Variants in FAM167A observed in about 807,000 individuals in gnomAD.
FAM167A encodes family with sequence similarity 167 member A.
A neutral mutation model predicts 14.9 loss-of-function variants in FAM167A; 23 were observed. That is an observed-to-expected ratio of 1.55 (90% CI 1.11 to 2.19). The LOEUF is 2.19. Ranked by LOEUF, FAM167A falls within the 30% of genes most tolerant of loss-of-function variation. The probability of loss-of-function intolerance (pLI) is 0.00; values close to 1 mark genes in which losing one functional copy is unlikely to be tolerated. For synonymous variants in FAM167A, 174 were observed against 117.7 expected (o/e 1.48, Z -3.10); for missense variants, 401 against 281.5 (o/e 1.42, Z -3.04).
At chr8:11,473,829 G>A (rs563990749) in intron 1 of FAM167A, among the ~76,000 whole-genome samples, 3 of 152,178 alleles carry the variant, frequency 2.0e-5, no homozygotes, top group African/African-American at 4.8e-5. Context: ...AGCACACAGG[G>A]AATGGTGGTT....
In FAM167A at chr8:11,444,085, C is replaced by T. The variant is rs1806618055; in HGVS notation, c.327G>A (p.Lys109=). ...SQGARPLSTG[K]LEGFQSIDEA... is the part of the protein sequence containing the mutation. ...CATCGATGCTCTGAAAGCCTTCCAG[C>T]TTGCCAGTGGACAGGGGTCTGGCAC... is the stretch of plus-strand genomic sequence containing the variant. The change falls in exon 2 of 3, where the codon AAG becomes AAA. Residue 109 remains lysine (K), a synonymous_variant. Coordinates refer to ENST00000284486, the MANE Select transcript of FAM167A (RefSeq NM_053279.3). 2 of 1,613,462 alleles carry T rather than the reference C, an allele frequency of 1.2e-6. No individual in the cohort carries two copies. The highest frequency in any genetic ancestry group is 2.7e-5 in the African/African-American group (2 of 74,940).
chr8:11,444,795 G>C lies in FAM167A; in HGVS notation c.-384C>G. On this transcript the variant is annotated 5_prime_UTR_variant, in exon 2 of 3. Transcript: ENST00000284486. ...GAGCTCTCTCTTCTCGGGAAGGGCAGGTGGCTGGAGACCCTGTGGGAGGGA... is the reference window on the plus strand; with the variant it reads ...GAGCTCTCTCTTCTCGGGAAGGGCACGTGGCTGGAGACCCTGTGGGAGGGA... The C allele has an allele frequency of 9.9e-7, 1 of 1,008,118 alleles. No homozygotes were observed. The highest frequency in any genetic ancestry group is 1.2e-6 in the Non-Finnish European group (1 of 844,502). The allele number at this position is 1,008,118 out of a possible 1,614,324, so 62.4% of individuals were successfully genotyped here. A position where few individuals can be genotyped will look rare whatever the true frequency, so the allele number is the denominator to read the frequency against.
chr8:11,435,193 C>G, intron 2 of FAM167A: 1 of 451,832 alleles, frequency 2.2e-6, no homozygotes, highest in South Asian at 1.6e-5. Context: ...CACTGAGGTT[C>G]TGTCCCCTCC....
chr8:11,472,709 G>A (rs1807998493), intron 1 of FAM167A, among the ~76,000 whole-genome samples: 1 of 152,164 alleles, frequency 6.6e-6, no homozygotes, highest in African/African-American at 2.4e-5. Flanking sequence ...CTGAGTAGGA[G>A]CCAGGAGATC....
intron 1 of FAM167A, among the ~76,000 whole-genome samples, chr8:11,445,737 G>T (rs1806747348): frequency 6.6e-6 from 1 of 152,130 alleles, no homozygotes; most frequent in African/African-American, 2.4e-5. Flanking sequence ...GGTCCATGGG[G>T]TGGGCAGTGG....
chr8:11,461,999 C>T (rs1339158655), intron 1 of FAM167A, among the ~76,000 whole-genome samples: 1 of 152,218 alleles, frequency 6.6e-6, no homozygotes, highest in East Asian at 1.9e-4. Context: ...CTCAGCCTGG[C>T]TTGGACTGCC....
chr8:11,462,473 G>C (rs777139645), intron 1 of FAM167A, among the ~76,000 whole-genome samples: 1 of 152,194 alleles, frequency 6.6e-6, no homozygotes, highest in Non-Finnish European at 1.5e-5. Context: ...GACTGTGCTT[G>C]GCTGTCACTC....
chr8:11,425,401 G>A (rs939726948), intron 2 of FAM167A, among the ~76,000 whole-genome samples: 5 of 152,204 alleles, frequency 3.3e-5, no homozygotes, highest in African/African-American at 1.2e-4. Flanking sequence ...CTGGACTCCA[G>A]AACCAAAATG....
At chr8:11,461,430 C>G (rs994730817) in intron 1 of FAM167A, among the ~76,000 whole-genome samples, 1 of 152,278 alleles carries the variant, frequency 6.6e-6, no homozygotes, top group Non-Finnish European at 1.5e-5. Flanking sequence ...CAGGGCTTTT[C>G]TGGCCAAAGG....
chr8:11,426,731 C>G (rs1320653048), intron 2 of FAM167A, among the ~76,000 whole-genome samples: 2 of 152,088 alleles, frequency 1.3e-5, no homozygotes, highest in African/African-American at 4.8e-5. Flanking sequence ...TCTTTTGGGT[C>G]TTTGATCAGC....
rs114806529 is a variant in FAM167A, at chr8:11,448,857, C to T, written c.-397-4049G>A. Among the ~76,000 whole-genome samples the T allele has an allele frequency of 9.5e-4, 144 of 152,326 alleles. 2 individuals carry two copies. Among genetic ancestry groups the T allele is most frequent in the Admixed American group, 7.6e-3 (117 of 15,312 alleles). On this transcript the variant is annotated intron_variant, in intron 1 of 2. Coordinates refer to ENST00000284486, the MANE Select transcript of FAM167A (RefSeq NM_053279.3). ...CCAGCACTGCTGACAAGCCGAGCAC[C>T]CAGGCTCAGTCCTTTCCTCGTGGCC...
chr8:11,469,901 TAAATAAATA>T (rs992155201), upstream of FAM167A, among the ~76,000 whole-genome samples: 2 of 143,630 alleles, frequency 1.4e-5, no homozygotes, highest in Admixed American at 6.8e-5. Context: ...AATAAATAAA[TAAATAAATA>T]AATAAATAAA....
intron 2 of FAM167A, among the ~76,000 whole-genome samples, chr8:11,434,551 G>A (rs1409136108): frequency 1.3e-5 from 2 of 152,176 alleles, no homozygotes; most frequent in Admixed American, 1.3e-4. Context: ...GGCTCTTCGG[G>A]CCCTGCCGAG....
At chr8:11,461,891 G>C (rs939081839) in intron 1 of FAM167A, among the ~76,000 whole-genome samples, 5 of 152,210 alleles carry the variant, frequency 3.3e-5, no homozygotes, top group African/African-American at 1.2e-4. Flanking sequence ...ATGCCAACTG[G>C]GCACCTCCAC....
chr8:11,464,984 G>A (rs889880897), intron 1 of FAM167A, among the ~76,000 whole-genome samples: 7 of 152,298 alleles, frequency 4.6e-5, no homozygotes, highest in Admixed American at 2.0e-4. Context: ...ATGTAATTGC[G>A]AGGACCAGAA....
chr8:11,449,855 G>T lies in FAM167A; in HGVS notation c.-397-5047C>A, dbSNP rs572683434. The stretch of plus-strand genomic sequence containing the variant: ...CTCCTCTGGCTGCTGGAGGAGCCAG[G>T]TGGGGGCAGCTCAGCCAACACCTTG... On this transcript the variant is annotated intron_variant, in intron 1 of 2. Coordinates refer to ENST00000284486, the MANE Select transcript of FAM167A (RefSeq NM_053279.3). Among the ~76,000 whole-genome samples, 3 of 152,304 alleles carry T rather than the reference G, an allele frequency of 2.0e-5. No homozygotes were observed. In the South Asian group the frequency reaches 6.2e-4, roughly 32 times the overall value.
chr8:11,441,067 C>G (rs1806405908), intron 2 of FAM167A, among the ~76,000 whole-genome samples: 1 of 152,238 alleles, frequency 6.6e-6, no homozygotes, highest in South Asian at 2.1e-4. Context: ...AGCCTGCCTG[C>G]CTACCTGCCA....
intron 2 of FAM167A, among the ~76,000 whole-genome samples, chr8:11,430,270 C>T (rs552727589): frequency 8.5e-5 from 13 of 152,296 alleles, no homozygotes; most frequent in African/African-American, 2.4e-4. Context: ...TGTCATTGGT[C>T]GGGGGCTGTC....
At position 11,444,373 on chromosome 8, in the gene FAM167A, T is replaced by TTCCC; in HGVS notation, c.38_39insGGGA (p.Glu14GlyfsTer13). 6.3e-7 allele frequency: 1 copy of TTCCC among 1,575,452 alleles called. No homozygotes were observed. Among genetic ancestry groups the TTCCC allele is most frequent in the Non-Finnish European group, 8.6e-7 (1 of 1,160,850 alleles). ...GTGCGGCTGCTCCCGCCCCCTCTTC[T>TTCCC]GCACCCACTTCTTCCACGTGGATCT... On this transcript the variant is annotated frameshift_variant, in exon 2 of 3. Coordinates refer to ENST00000284486, the MANE Select transcript of FAM167A (RefSeq NM_053279.3). LOFTEE classifies it high-confidence loss of function.
Sources: allele counts gnomAD v4.1 joint callset (sites outside exome capture counted in the v4.1 genomes callset), GRCh38; gene constraint gnomAD v4.1.1; transcripts MANE v1.5; gene names NCBI Gene and HGNC (gene_info 2026-07-23, HGNC 2026-07-21).